The following WDR48 variants were observed in gnomAD, a reference collection of about 807,000 sequenced individuals.
WDR48 encodes WD repeat domain 48.
A neutral mutation model predicts 94.0 loss-of-function variants in WDR48; 22 were observed. The ratio of observed to expected loss-of-function variants is 0.23; its 90% CI spans 0.17 to 0.33. WDR48 has a LOEUF of 0.33. Ranked by LOEUF, WDR48 falls within the 10% of genes least tolerant of loss-of-function variation. The probability of loss-of-function intolerance (pLI) is 1.00; values close to 1 mark genes in which losing one functional copy is unlikely to be tolerated. For missense variants in WDR48, 541 were observed against 813.8 expected, an observed-to-expected ratio of 0.66 and a Z score of 4.08; for synonymous variants, 278 against 280.5, an observed-to-expected ratio of 0.99 and a Z score of 0.09.
At chr3:39,081,922 A>G (rs753133096) in intron 11 of WDR48, among the ~76,000 whole-genome samples, 6 of 152,222 alleles carry the variant, frequency 3.9e-5, no homozygotes, top group Non-Finnish European at 8.8e-5. Flanking sequence ...AAGTTTTGAT[A>G]TCAAATGATC....
At chr3:39,085,674 T>G (rs1456382197) in intron 14 of WDR48, 64 bp downstream of exon 14, 1 of 1,360,004 alleles carries the variant, frequency 7.4e-7, no homozygotes, top group Admixed American at 2.0e-5. Context: ...AGGTACTTAC[T>G]AAAAGGTACT....
chr3:39,093,819 T>C, intron 17 of WDR48, 55 bp from the exon 18 acceptor site: 9 of 1,410,348 alleles, frequency 6.4e-6, no homozygotes, highest in Non-Finnish European at 8.4e-6. Flanking sequence ...TAATATGGAA[T>C]AAATAATATC....
intron 2 of WDR48, among the ~76,000 whole-genome samples, chr3:39,064,358 C>G (rs1057501435): frequency 6.6e-6 from 1 of 151,420 alleles, no homozygotes; most frequent in Non-Finnish European, 1.5e-5. Flanking sequence ...ACTGCAACCT[C>G]TTGACTCCTG....
chr3:39,072,164 T>G (rs1406587072), intron 7 of WDR48, among the ~76,000 whole-genome samples: 1 of 152,228 alleles, frequency 6.6e-6, no homozygotes, highest in Non-Finnish European at 1.5e-5. Flanking sequence ...AGAATAAGAT[T>G]CTTATTTACC....
At chr3:39,060,419 CAT>C (rs200990149) in intron 1 of WDR48, among the ~76,000 whole-genome samples, 51,437 of 147,322 alleles carry the variant, frequency 0.35, 10,055 homozygotes, top group African/African-American at 0.54. Flanking sequence ...TGTGTGTGTG[CAT>C]ATATATATAT....
rs776562342 is a variant in WDR48 at position 39,094,720 on chromosome 3, C to T, written c.2011C>T (p.His671Tyr). The part of the protein sequence containing the change: ...IWKSGGDLTL[H>Y]YRQKST ...GAAGAGCGGTGGAGACCTCACCCTCCATTACCGTCAGAAGTCCACGTGAAG... is the reference window on the plus strand; with the variant it reads ...GAAGAGCGGTGGAGACCTCACCCTCTATTACCGTCAGAAGTCCACGTGAAG... The change falls in exon 19 of 19, where the codon CAT (histidine) becomes TAT (tyrosine). Residue 671 changes from histidine to tyrosine, a missense_variant. Transcript: ENST00000302313. The T allele has an allele frequency of 1.2e-6, 2 of 1,614,104 alleles. No homozygotes were observed. The highest frequency in any genetic ancestry group is 2.2e-5 in the East Asian group (1 of 44,876).
At chr3:39,056,268 A>C (rs2125631930) in intron 1 of WDR48, among the ~76,000 whole-genome samples, 1 of 152,384 alleles carries the variant, frequency 6.6e-6, no homozygotes, top group African/African-American at 2.4e-5. Flanking sequence ...GAAGTGTTAC[A>C]AAAATAAATG....
Position 39,062,686 on chromosome 3 carries a change from A to G in WDR48, c.49-364A>G, listed in dbSNP as rs76688639. On this transcript the variant is annotated intron_variant, in intron 1 of 18. Coordinates refer to ENST00000302313, the MANE Select transcript of WDR48 (RefSeq NM_020839.4). The stretch of plus-strand genomic sequence containing the variant: ...AGGGTACTTGAGACCATGTTAAGGA[A>G]TTTACATCCAATCATGAGTCTAGTA... Among the ~76,000 whole-genome samples the G allele has an allele frequency of 7.0e-3, 1,061 of 152,302 alleles. 15 individuals carry two copies. Among genetic ancestry groups the G allele is most frequent in the African/African-American group, 0.024 (1,008 of 41,554 alleles).
chr3:39,063,328 A>T (rs1352551150), intron 2 of WDR48, 138 bp downstream of exon 2: 8 of 1,118,952 alleles, frequency 7.1e-6, no homozygotes, highest in Non-Finnish European at 9.7e-6. Context: ...AGACATCGCA[A>T]CCAGAATTCT....
intron 14 of WDR48, chr3:39,087,812 GT>G: frequency 5.3e-6 from 1 of 188,320 alleles, no homozygotes; most frequent in Admixed American, 5.9e-5. Flanking sequence ...CTAGATCTTC[GT>G]TTATATACAG....
At chr3:39,094,189 A>C in intron 18 of WDR48, 123 bp downstream of exon 18, 5 of 1,468,224 alleles carry the variant, frequency 3.4e-6, no homozygotes, top group Non-Finnish European at 3.6e-6. Context: ...GGCCTCTCCT[A>C]CCTAAAGCCC....
chr3:39,062,454 A>T (rs988926418), intron 1 of WDR48, among the ~76,000 whole-genome samples: 1 of 152,242 alleles, frequency 6.6e-6, no homozygotes, highest in African/African-American at 2.4e-5. Context: ...AGTATGTGAT[A>T]GGAGCTCAAA....
At chr3:39,063,006 A>C (rs113931979) in intron 1 of WDR48, 44 bp from the exon 2 acceptor site, 2 of 1,606,494 alleles carry the variant, frequency 1.2e-6, no homozygotes, top group Admixed American at 1.7e-5. Context: ...TTATTACTGC[A>C]TGGCTTGTAC....
At chr3:39,094,562 AT>A (rs2035243767) in intron 18 of WDR48, 85 bp from the exon 19 acceptor site, 1 of 1,571,916 alleles carries the variant, frequency 6.4e-7, no homozygotes, top group African/African-American at 1.4e-5. Context: ...AGCAAGCTGG[AT>A]CACCTGATGA....
intron 9 of WDR48, 99 bp downstream of exon 9, chr3:39,077,312 T>G: frequency 2.3e-6 from 3 of 1,329,764 alleles, no homozygotes; most frequent in Non-Finnish European, 3.2e-6. Flanking sequence ...GCCCTAACTC[T>G]AGCATGCTTT....
intron 8 of WDR48, among the ~76,000 whole-genome samples, chr3:39,075,190 CTTTTTTTT>C (rs11353487): frequency 4.5e-5 from 5 of 110,492 alleles, no homozygotes; most frequent in Admixed American, 3.0e-4. Context: ...TTGTGTTTTG[CTTTTTTTT>C]TTTTTTTTTT....
Position 39,069,733 on chromosome 3 carries a change from G to T in WDR48, c.661G>T (p.Asp221Tyr). The T allele has an allele frequency of 6.2e-7, 1 of 1,612,574 alleles. No homozygotes were observed. Among genetic ancestry groups the T allele is most frequent in the Non-Finnish European group, 8.5e-7 (1 of 1,179,166 alleles). ...TGTGAAGGCATTGCTATTAAACAGA[G>T]ATGGCACGCAAGTATGCAGTTTCAT... is the stretch of plus-strand genomic sequence containing the variant. The part of the protein sequence containing the change: ...DNVKALLLNR[D>Y]GTQCLSGSSD... The change falls in exon 7 of 19, where the codon GAT (aspartate) becomes TAT (tyrosine). Residue 221 changes from aspartate (D) to tyrosine (Y), a missense_variant. Transcript: ENST00000302313.
intron 9 of WDR48, among the ~76,000 whole-genome samples, chr3:39,077,820 G>C (rs2034305691): frequency 6.6e-6 from 1 of 151,704 alleles, no homozygotes; most frequent in Non-Finnish European, 1.5e-5. Context: ...TGTTCTTTCT[G>C]TATACTTATT....
At chr3:39,066,678 A>C in intron 4 of WDR48, 48 bp downstream of exon 4, 4 of 1,610,368 alleles carry the variant, frequency 2.5e-6, no homozygotes, top group Non-Finnish European at 3.4e-6. Context: ...TTGGGATCTC[A>C]GTACTTTGTG....
Sources: allele counts gnomAD v4.1 joint callset (sites outside exome capture counted in the v4.1 genomes callset), GRCh38; gene constraint gnomAD v4.1.1; transcripts MANE v1.5; gene names NCBI Gene and HGNC (gene_info 2026-07-23, HGNC 2026-07-21).